The following RORA variants were observed in gnomAD, a reference collection of about 807,000 sequenced individuals.
RORA encodes RAR related orphan receptor A.
In RORA, 7 loss-of-function variants were observed where a neutral mutation model predicts 69.5. That is an observed-to-expected ratio of 0.10 (90% CI 0.06 to 0.19). The LOEUF is 0.19. RORA is among the 10% of genes least tolerant of loss of function. The probability of loss-of-function intolerance (pLI) is 1.00; values close to 1 mark genes in which losing one functional copy is unlikely to be tolerated. For synonymous variants in RORA, 261 were observed against 240.8 expected (o/e 1.08, Z -0.78); for missense variants, 457 against 663.0 (o/e 0.69, Z 3.41).
intron 1 of RORA, among the ~76,000 whole-genome samples, chr15:61,058,370 G>A (rs1231448593): frequency 6.6e-6 from 1 of 152,180 alleles, no homozygotes; most frequent in Non-Finnish European, 1.5e-5. Context: ...GCCAGTTCAG[G>A]AGGAAGAAGG....
chr15:61,018,857 C>T (rs1262989501), intron 1 of RORA, among the ~76,000 whole-genome samples: 1 of 152,162 alleles, frequency 6.6e-6, no homozygotes, highest in Non-Finnish European at 1.5e-5. Flanking sequence ...TGCCAAGGCA[C>T]ACATTAAATG....
intron 1 of RORA, among the ~76,000 whole-genome samples, chr15:60,688,697 C>A (rs1462431191): frequency 6.6e-6 from 1 of 152,038 alleles, no homozygotes; most frequent in Non-Finnish European, 1.5e-5. Context: ...TAATCATAAC[C>A]AATATGCTGA....
intron 1 of RORA, among the ~76,000 whole-genome samples, chr15:61,057,473 G>C (rs2078112238): frequency 6.6e-6 from 1 of 152,182 alleles, no homozygotes; most frequent in Non-Finnish European, 1.5e-5. Flanking sequence ...CATTTCTTTA[G>C]ATGTCATGAA....
At chr15:60,659,368 A>T (rs2070269322) in intron 2 of RORA, among the ~76,000 whole-genome samples, 1 of 152,182 alleles carries the variant, frequency 6.6e-6, no homozygotes, top group South Asian at 2.1e-4. Flanking sequence ...AAACGTCCTC[A>T]TCTCTAACAT....
At chr15:61,137,564 C>CA (rs56660758) in intron 1 of RORA, among the ~76,000 whole-genome samples, 149,793 of 152,354 alleles carry the variant, frequency 0.98, 73,684 homozygotes, top group East Asian at 1. Context: ...CTTGCAGCAG[C>CA]AGTCACAGAG....
At chr15:60,871,452 T>C (rs2073554839) in intron 1 of RORA, among the ~76,000 whole-genome samples, 1 of 152,236 alleles carries the variant, frequency 6.6e-6, no homozygotes, top group Non-Finnish European at 1.5e-5. Flanking sequence ...AAGTATTTTA[T>C]GTGCATAATG....
chr15:60,501,216 T>C (rs954095187), intron 8 of RORA, 147 bp from the exon 9 acceptor site: 23 of 599,264 alleles, frequency 3.8e-5, no homozygotes, highest in Non-Finnish European at 6.6e-5. Flanking sequence ...GATCTAGTGG[T>C]TGAAGATCAG....
chr15:60,505,375 G>T (rs1328050891), intron 6 of RORA, 133 bp downstream of exon 6: 4 of 943,178 alleles, frequency 4.2e-6, no homozygotes, highest in Non-Finnish European at 6.4e-6. Flanking sequence ...AGTAGCTTCA[G>T]AAAAAAGATA....
chr15:60,681,292 G>T (rs1268600119), intron 1 of RORA, among the ~76,000 whole-genome samples: 2 of 152,188 alleles, frequency 1.3e-5, no homozygotes, highest in East Asian at 1.9e-4. Flanking sequence ...TACACTCATG[G>T]CAAATCTTTA....
chr15:60,928,600 C>T (rs887204490), intron 1 of RORA, among the ~76,000 whole-genome samples: 1 of 152,080 alleles, frequency 6.6e-6, no homozygotes, highest in African/African-American at 2.4e-5. Context: ...TTTTCGTTTT[C>T]TTATACCCCT....
intron 1 of RORA, among the ~76,000 whole-genome samples, chr15:61,002,737 G>A (rs56310876): frequency 0.11 from 16,900 of 152,116 alleles, 954 homozygotes; most frequent in Middle Eastern, 0.14. Flanking sequence ...TGGAGGTGAT[G>A]CTCCAATTTG....
chr15:61,084,069 G>T (rs1053158445), intron 1 of RORA, among the ~76,000 whole-genome samples: 55 of 152,180 alleles, frequency 3.6e-4, no homozygotes, highest in Non-Finnish European at 7.5e-4. Context: ...AACGTGAAGT[G>T]AGAGACATAA....
chr15:61,178,071 A>G (rs2079647762), intron 1 of RORA, among the ~76,000 whole-genome samples: 2 of 152,200 alleles, frequency 1.3e-5, no homozygotes, highest in African/African-American at 4.8e-5. Flanking sequence ...CCATTTTCTT[A>G]TTCTTAGCAT....
chr15:60,911,800 A>G lies in RORA; in HGVS notation c.167-233114T>C, dbSNP rs76983215. Among the ~76,000 whole-genome samples the G allele has an allele frequency of 4.9e-3, 738 of 150,964 alleles. 7 individuals carry two copies. Among genetic ancestry groups the G allele is most frequent in the Non-Finnish European group, 7.3e-3 (498 of 67,810 alleles). Reference sequence around the variant, plus strand: ...CTGCAATTGCCAACTTCTGTGTCCAAGTGATTCTCGTGCCTCAGCCTCCCA... The same window carrying G: ...CTGCAATTGCCAACTTCTGTGTCCAGGTGATTCTCGTGCCTCAGCCTCCCA... On this transcript the variant is annotated intron_variant, in intron 1 of 10. Transcript: ENST00000335670.
intron 1 of RORA, among the ~76,000 whole-genome samples, chr15:60,828,027 C>A (rs1302840372): frequency 6.6e-6 from 1 of 152,176 alleles, no homozygotes; most frequent in Non-Finnish European, 1.5e-5. Context: ...CTAGTACCAA[C>A]TATGTTGGAC....
At chr15:61,159,567 T>C (rs2079476228) in intron 1 of RORA, among the ~76,000 whole-genome samples, 1 of 152,162 alleles carries the variant, frequency 6.6e-6, no homozygotes, top group Admixed American at 6.5e-5. Context: ...AAAAAGCTTG[T>C]CACGGAGGAT....
intron 1 of RORA, among the ~76,000 whole-genome samples, chr15:61,100,583 C>G (rs1384924968): frequency 6.6e-6 from 1 of 152,138 alleles, no homozygotes; most frequent in Non-Finnish European, 1.5e-5. Context: ...CCAGGGGTGT[C>G]TGTGGCTAGA....
chr15:60,966,519 T>C (rs1893557602), intron 1 of RORA, among the ~76,000 whole-genome samples: 1 of 152,202 alleles, frequency 6.6e-6, no homozygotes, highest in Admixed American at 6.5e-5. Flanking sequence ...GTACCTTTCT[T>C]GGGAGCCAGT....
chr15:60,714,699 C>T (rs1185444509), intron 1 of RORA, among the ~76,000 whole-genome samples: 5 of 152,136 alleles, frequency 3.3e-5, no homozygotes, highest in African/African-American at 1.2e-4. Context: ...TTTCTTCTTA[C>T]ATAGAAAATT....
Sources: allele counts gnomAD v4.1 joint callset (sites outside exome capture counted in the v4.1 genomes callset), GRCh38; gene constraint gnomAD v4.1.1; transcripts MANE v1.5; gene names NCBI Gene and HGNC (gene_info 2026-07-23, HGNC 2026-07-21).